The following EYS variants were observed in gnomAD, a reference collection of about 807,000 sequenced individuals.
EYS encodes protein eyes shut homolog.
EYS carries 250 observed loss-of-function variants against 282.1 expected under a neutral mutation model. The ratio of observed to expected loss-of-function variants is 0.89; its 90% confidence interval spans 0.80 to 0.98. EYS has a LOEUF of 0.98. Among genes scored for constraint, EYS ranks in the 50% least tolerant of loss-of-function variants. The pLI, the probability that EYS is intolerant of heterozygous loss-of-function variation, is 0.00. For synonymous variants in EYS, 1,355 were observed against 1,282.9 expected, an observed-to-expected ratio of 1.06 and a Z score of -1.20; for missense variants, 4,016 against 3,709.0, an observed-to-expected ratio of 1.08 and a Z score of -2.15.
intron 37 of EYS, among the ~76,000 whole-genome samples, chr6:63,805,668 G>A (rs1562034741): frequency 6.6e-6 from 1 of 152,126 alleles, no homozygotes. Context: ...ATAATCCCCA[G>A]GTGTCAAGGG....
intron 31 of EYS, among the ~76,000 whole-genome samples, chr6:64,091,914 C>A (rs71570663): frequency 3.1e-4 from 47 of 152,266 alleles, no homozygotes; most frequent in Non-Finnish European, 5.1e-4. Context: ...CCCCACCCCA[C>A]AACAGGCCCC....
chr6:64,062,585 G>A (rs1771213188), intron 33 of EYS, among the ~76,000 whole-genome samples: 1 of 151,770 alleles, frequency 6.6e-6, no homozygotes, highest in African/African-American at 2.4e-5. Flanking sequence ...CCAGCTGCTT[G>A]GAGGCTGAGG....
intron 26 of EYS, among the ~76,000 whole-genome samples, chr6:64,514,055 T>C (rs952978509): frequency 7.3e-5 from 11 of 151,716 alleles, no homozygotes; most frequent in African/African-American, 2.7e-4. Flanking sequence ...ATATCCTTCA[T>C]TGAATCATTC....
intron 30 of EYS, among the ~76,000 whole-genome samples, chr6:64,238,908 C>A (rs371503201): frequency 6.6e-6 from 1 of 152,130 alleles, no homozygotes; most frequent in Non-Finnish European, 1.5e-5. Context: ...CACTAGCTCC[C>A]CATCCCCTGA....
intron 11 of EYS, among the ~76,000 whole-genome samples, chr6:65,298,503 T>C (rs1582113788): frequency 6.6e-6 from 1 of 151,974 alleles, no homozygotes; most frequent in Non-Finnish European, 1.5e-5. Context: ...GACCACTTGA[T>C]GTTTGTTTTA....
At chr6:65,571,064 C>T (rs911386221) in intron 2 of EYS, among the ~76,000 whole-genome samples, 6 of 151,974 alleles carry the variant, frequency 3.9e-5, no homozygotes, top group Non-Finnish European at 7.4e-5. Flanking sequence ...ATATATATTA[C>T]ACATATTATA....
At chr6:65,292,439 G>T (rs773010360) in intron 12 of EYS, among the ~76,000 whole-genome samples, 2 of 151,700 alleles carry the variant, frequency 1.3e-5, no homozygotes, top group Middle Eastern at 3.4e-3. Context: ...TTACTAACTG[G>T]GTCAGTTTTG....
chr6:65,616,545 T>C (rs1014931303), intron 2 of EYS, among the ~76,000 whole-genome samples: 4 of 152,144 alleles, frequency 2.6e-5, no homozygotes, highest in Non-Finnish European at 5.9e-5. Context: ...CCTAGCACTT[T>C]GGGAGGCCGA....
intron 12 of EYS, among the ~76,000 whole-genome samples, chr6:65,110,827 G>A (rs988167413): frequency 1.3e-5 from 2 of 151,982 alleles, no homozygotes; most frequent in Admixed American, 1.3e-4. Flanking sequence ...AAAAATCATT[G>A]AAGATTAAAT....
intron 11 of EYS, among the ~76,000 whole-genome samples, chr6:65,302,041 A>C (rs1477861189): frequency 1.3e-5 from 2 of 152,238 alleles, no homozygotes; most frequent in Non-Finnish European, 2.9e-5. Flanking sequence ...TCAGCTATGG[A>C]AGATGGATTT....
At chr6:65,432,478 G>T (rs941699034) in intron 5 of EYS, among the ~76,000 whole-genome samples, 1 of 152,148 alleles carries the variant, frequency 6.6e-6, no homozygotes, top group Admixed American at 6.5e-5. Flanking sequence ...AAGAGGGTGG[G>T]GTTGCTCAGG....
At chr6:64,233,351 A>G (rs1204298688) in intron 30 of EYS, among the ~76,000 whole-genome samples, 1 of 152,196 alleles carries the variant, frequency 6.6e-6, no homozygotes, top group African/African-American at 2.4e-5. Context: ...GAAGTTATAG[A>G]TGATGTCACA....
chr6:64,959,010 T>C (rs1769821548), intron 14 of EYS, among the ~76,000 whole-genome samples: 1 of 152,142 alleles, frequency 6.6e-6, no homozygotes, highest in Non-Finnish European at 1.5e-5. Context: ...TTTTGTCTTA[T>C]GGTTAGCCAT....
chr6:64,762,687 A>G (rs1427667974), intron 22 of EYS, among the ~76,000 whole-genome samples: 1 of 152,118 alleles, frequency 6.6e-6, no homozygotes, highest in Non-Finnish European at 1.5e-5. Context: ...ACACATGCAC[A>G]CACACACACA....
chr6:65,007,908 T>C (rs1771734764), intron 13 of EYS, among the ~76,000 whole-genome samples: 1 of 152,198 alleles, frequency 6.6e-6, no homozygotes. Context: ...CATGGAGAGA[T>C]ATAATGTTAC....
chr6:64,429,734 T>C (rs967594882), intron 28 of EYS, among the ~76,000 whole-genome samples: 1 of 152,166 alleles, frequency 6.6e-6, no homozygotes, highest in African/African-American at 2.4e-5. Context: ...CGTTAAATGA[T>C]GAAATTTCAC....
chr6:65,697,748 C>T (rs1468841555), intron 1 of EYS, among the ~76,000 whole-genome samples: 4 of 152,030 alleles, frequency 2.6e-5, no homozygotes, highest in Non-Finnish European at 4.4e-5. Context: ...GAACCAATAA[C>T]GAGCATATGT....
intron 22 of EYS, among the ~76,000 whole-genome samples, chr6:64,687,544 C>G (rs1462554514): frequency 6.6e-6 from 1 of 152,134 alleles, no homozygotes; most frequent in African/African-American, 2.4e-5. Context: ...ATATGTTGAA[C>G]CAGCCTTACA....
At chr6:64,363,489 TA>T (rs1423428781) in intron 29 of EYS, among the ~76,000 whole-genome samples, 1 of 151,904 alleles carries the variant, frequency 6.6e-6, no homozygotes, top group Non-Finnish European at 1.5e-5. Flanking sequence ...AACTGTGACT[TA>T]GACATATTAT....
Sources: allele counts gnomAD v4.1 joint callset (sites outside exome capture counted in the v4.1 genomes callset), GRCh38; gene constraint gnomAD v4.1.1; transcripts MANE v1.5; gene names NCBI Gene and HGNC (gene_info 2026-07-23, HGNC 2026-07-21).